The following IZUMO1 variants were observed in gnomAD, a reference collection of about 807,000 sequenced individuals.
The protein encoded by IZUMO1 is izumo sperm-oocyte fusion 1, also known as izumo sperm-egg fusion protein 1.
A neutral mutation model predicts 40.7 loss-of-function variants in IZUMO1; 44 were observed. That is an observed-to-expected ratio of 1.08 (90% CI 0.85 to 1.39). The LOEUF is 1.39. Ranked by LOEUF, IZUMO1 falls within the 40% of genes most tolerant of loss-of-function variation. IZUMO1 has a pLI of 0.00. For synonymous variants in IZUMO1, 149 were observed against 170.9 expected, an observed-to-expected ratio of 0.87 and a Z score of 1.00; for missense variants, 368 against 436.9, an observed-to-expected ratio of 0.84 and a Z score of 1.41.
intron 1 of IZUMO1, 62 bp downstream of exon 1, chr19:48,746,373 C>G: frequency 1.0e-6 from 1 of 1,002,604 alleles, no homozygotes; most frequent in Middle Eastern, 5.2e-4. Flanking sequence ...CAATAAACAT[C>G]TAACACAGAC....
chr19:48,744,666 A>C, intron 3 of IZUMO1, 127 bp from the exon 4 acceptor site: 3 of 673,840 alleles, frequency 4.5e-6, no homozygotes, highest in East Asian at 2.7e-5. Flanking sequence ...GTCTAACATA[A>C]TGCCAGCTGC....
rs199788235 is a variant in IZUMO1 at position 48,745,327 on chromosome 19, G to A, written c.236-39C>T. 30 of 1,558,048 alleles carry A rather than the reference G, an allele frequency of 1.9e-5. No individual in the cohort carries two copies. In the East Asian group the frequency reaches 3.1e-4, roughly 16 times the overall value. ...TATAACCCCAGATTCCAGCCTTACTGTCTCATTGGCGCGCCTAATCTTAGA... is the reference window on the plus strand; with the variant it reads ...TATAACCCCAGATTCCAGCCTTACTATCTCATTGGCGCGCCTAATCTTAGA... On this transcript the variant is annotated intron_variant, in intron 2 of 9. Transcript: ENST00000332955.
At chr19:48,742,531 A>G (rs1273895049) in intron 6 of IZUMO1, among the ~76,000 whole-genome samples, 1 of 151,700 alleles carries the variant, frequency 6.6e-6, no homozygotes, top group Non-Finnish European at 1.5e-5. Flanking sequence ...TATTTTTAGT[A>G]GAGATGGGGT....
Position 48,741,914 on chromosome 19 carries a change from A to T in IZUMO1, c.629T>A (p.Val210Glu), listed in dbSNP as rs887245620. The change falls in exon 8 of 10, where the codon GTG becomes GAG. Residue 210 changes from valine to glutamate, a missense_variant. Coordinates refer to ENST00000332955, the MANE Select transcript of IZUMO1 (RefSeq NM_182575.3). The surrounding 1 kb of genome is among the most constrained non-coding windows in gnomAD (Gnocchi z 4.4). ...CAGGGTGGCCTCTTTCCCCTTGGAC[A>T]CCAAGGTCTCCGTATTGTTCCCCCA... Reference protein sequence around the residue: ...RVWGNNTETLVSKGKEATLTK... With the variant: ...RVWGNNTETLESKGKEATLTK... 3.7e-6 allele frequency: 6 copies of T among 1,610,206 alleles called. No individual in the cohort carries two copies. The Admixed American group carries it at 8.4e-5, about 23-fold the overall frequency.
chr19:48,741,363 T>G lies in IZUMO1; in HGVS notation c.870A>C (p.Ala290=). Residue 290 remains alanine, a synonymous_variant, in exon 9 of 10, where the codon GCA becomes GCC. Coordinates refer to ENST00000332955, the MANE Select transcript of IZUMO1 (RefSeq NM_182575.3). The surrounding 1 kb of genome is among the most constrained non-coding windows in gnomAD (Gnocchi z 4.4). ...AGATCAGCAGCCCCAGAAGGCGGCT[T>G]GCCAGCATTTTCTCGGGCTGCAGAG... ...LQPLQPEKML[A]SRLLGLLICG... 6.2e-7 allele frequency: 1 copy of G among 1,612,774 alleles called. No individual in the cohort carries two copies. The highest frequency in any genetic ancestry group is 8.5e-7 in the Non-Finnish European group (1 of 1,179,828).
At chr19:48,744,895 C>G (rs2033833494) in intron 3 of IZUMO1, among the ~76,000 whole-genome samples, 1 of 152,168 alleles carries the variant, frequency 6.6e-6, no homozygotes, top group Non-Finnish European at 1.5e-5. Flanking sequence ...CAAGGTTTCA[C>G]CATGTTGGCC....
At chr19:48,745,136 A>C in intron 3 of IZUMO1, 78 bp downstream of exon 3, 1 of 1,215,426 alleles carries the variant, frequency 8.2e-7, no homozygotes, top group Non-Finnish European at 1.2e-6. Flanking sequence ...ACAGCCTAGT[A>C]TCTGACCAAG....
rs150517605 is a variant in IZUMO1 at position 48,741,883 on chromosome 19, C to T, written c.660G>A (p.Lys220=). 8.1e-6 allele frequency: 13 copies of T among 1,612,292 alleles called. No homozygotes were observed. The African/African-American group carries it at 1.5e-4, about 18-fold the overall frequency. ...CTGCATCCTCTGGACCCACCATGGG[C>T]TTGGTCAGGGTGGCCTCTTTCCCCT... The part of the protein sequence containing the change: ...VSKGKEATLT[K]PMVGPEDAGS... The change falls in exon 8 of 10, where the codon AAG becomes AAA. Residue 220 remains lysine (K), a synonymous_variant. Transcript: ENST00000332955. The surrounding 1 kb of genome is among the most constrained non-coding windows in gnomAD (Gnocchi z 4.4).
chr19:48,743,807 A>G, intron 5 of IZUMO1: 1 of 496,344 alleles, frequency 2.0e-6, no homozygotes, highest in East Asian at 3.8e-5. Flanking sequence ...CCTGACCAAC[A>G]TGGTGAAACC....
chr19:48,746,026 A>AT, intron 1 of IZUMO1, 94 bp from the exon 2 acceptor site: 1 of 1,442,408 alleles, frequency 6.9e-7, no homozygotes, highest in East Asian at 2.5e-5. Flanking sequence ...TCTTCAGGAA[A>AT]TCTCCAAATA....
At chr19:48,744,664 T>C in intron 3 of IZUMO1, 125 bp from the exon 4 acceptor site, 1 of 681,548 alleles carries the variant, frequency 1.5e-6, no homozygotes, top group Non-Finnish European at 2.6e-6. Flanking sequence ...CCGTCTAACA[T>C]AATGCCAGCT....
In IZUMO1 at chr19:48,745,926, G is replaced by C; in HGVS notation, c.-67C>G. The C allele has an allele frequency of 1.3e-6, 2 of 1,599,826 alleles. No individual in the cohort carries two copies. The highest frequency in any genetic ancestry group is 1.7e-6 in the Non-Finnish European group (2 of 1,171,070). ...TGCTCTCACCCCAAACCGAGAGCAG[G>C]AGAACGCTAAACGGAGAAAAGCCAA... On this transcript the variant is annotated 5_prime_UTR_variant, in exon 2 of 10. Coordinates refer to ENST00000332955, the MANE Select transcript of IZUMO1 (RefSeq NM_182575.3).
At chr19:48,743,791 G>A (rs1233421876) in intron 5 of IZUMO1, 3 of 519,718 alleles carry the variant, frequency 5.8e-6, no homozygotes, top group South Asian at 2.1e-5. Flanking sequence ...AGGAGTTCAA[G>A]ACTAGCCTGA....
intron 3 of IZUMO1, 54 bp downstream of exon 3, chr19:48,745,160 C>CGT: frequency 6.9e-7 from 1 of 1,453,830 alleles, no homozygotes; most frequent in Admixed American, 1.7e-5. Context: ...CCAGGCATCA[C>CGT]TAACGCTGGC....
intron 6 of IZUMO1, chr19:48,743,216 T>TA: frequency 3.6e-6 from 2 of 555,082 alleles, no homozygotes; most frequent in South Asian, 2.1e-5. Flanking sequence ...TTTGTAGAGA[T>TA]AGAGTCTCGC....
chr19:48,742,727 T>TC, intron 6 of IZUMO1, among the ~76,000 whole-genome samples: 1 of 136,474 alleles, frequency 7.3e-6, no homozygotes, highest in African/African-American at 2.8e-5. Flanking sequence ...CTCTCTCTCT[T>TC]TTTTTTTTTT....
chr19:48,745,186 G>A, intron 3 of IZUMO1, 28 bp downstream of exon 3: 1 of 1,587,812 alleles, frequency 6.3e-7, no homozygotes, highest in South Asian at 1.1e-5. Flanking sequence ...TGAGAGATTC[G>A]GGACTCCCAC....
chr19:48,742,899 T>C (rs1028497665), intron 6 of IZUMO1: 2 of 153,822 alleles, frequency 1.3e-5, no homozygotes, highest in African/African-American at 4.8e-5. Context: ...GCTAATTTTT[T>C]TGTATTTTTA....
At chr19:48,742,380 C>G in intron 6 of IZUMO1, 71 bp from the exon 7 acceptor site, 1 of 1,060,360 alleles carries the variant, frequency 9.4e-7, no homozygotes, top group Non-Finnish European at 1.5e-6. Context: ...TGGAGACTCG[C>G]TCTGTCGCCC....
Sources: allele counts gnomAD v4.1 joint callset (sites outside exome capture counted in the v4.1 genomes callset), GRCh38; gene constraint gnomAD v4.1.1; non-coding constraint Gnocchi (gnomAD v3.1); transcripts MANE v1.5; gene names NCBI Gene and HGNC (gene_info 2026-07-23, HGNC 2026-07-21).